The following MARCHF1 variants were observed in gnomAD, a reference collection of about 807,000 sequenced individuals.
MARCHF1 encodes membrane associated ring-CH-type finger 1, also known as E3 ubiquitin-protein ligase MARCHF1.
MARCHF1 carries 40 observed loss-of-function variants against 54.2 expected under a neutral mutation model. That is an observed-to-expected ratio of 0.74 (90% CI 0.57 to 0.96). The LOEUF is 0.96. MARCHF1 is among the 40% of genes least tolerant of loss of function. The pLI, the probability that MARCHF1 is intolerant of heterozygous loss-of-function variation, is 0.00. For missense variants in MARCHF1, 586 were observed against 656.5 expected (o/e 0.89, Z 1.17); for synonymous variants, 236 against 236.3 (o/e 1.00, Z 0.01).
intron 2 of MARCHF1, among the ~76,000 whole-genome samples, chr4:164,044,882 A>G (rs1754208989): frequency 6.6e-6 from 1 of 152,036 alleles, no homozygotes; most frequent in Admixed American, 6.6e-5. Flanking sequence ...AATAACTACC[A>G]TGGTGTCATC....
intron 1 of MARCHF1, among the ~76,000 whole-genome samples, chr4:164,363,995 G>A (rs1163988335): frequency 6.6e-6 from 1 of 151,844 alleles, no homozygotes; most frequent in South Asian, 2.1e-4. Flanking sequence ...TTTTCCTTTT[G>A]TAACATTAAT....
intron 1 of MARCHF1, among the ~76,000 whole-genome samples, chr4:164,226,667 GTA>G (rs147707063): frequency 6.6e-6 from 1 of 151,896 alleles, no homozygotes; most frequent in Non-Finnish European, 1.5e-5. Context: ...ATGTGTGTGT[GTA>G]TATATATAAA....
intron 4 of MARCHF1, among the ~76,000 whole-genome samples, chr4:163,846,195 T>G (rs1354170645): frequency 6.6e-6 from 1 of 152,194 alleles, no homozygotes; most frequent in African/African-American, 2.4e-5. Context: ...GAACCGCAAC[T>G]GAAAACTCTA....
intron 1 of MARCHF1, among the ~76,000 whole-genome samples, chr4:164,168,153 G>A (rs76373961): frequency 6.6e-6 from 1 of 151,914 alleles, no homozygotes; most frequent in African/African-American, 2.4e-5. Flanking sequence ...TAGCCAACGT[G>A]TATATGAAAA....
At chr4:163,770,894 G>T (rs1024218671) in intron 4 of MARCHF1, among the ~76,000 whole-genome samples, 1 of 152,166 alleles carries the variant, frequency 6.6e-6, no homozygotes, top group Non-Finnish European at 1.5e-5. Flanking sequence ...ATATGGGCAC[G>T]AGTGTTAACA....
intron 1 of MARCHF1, among the ~76,000 whole-genome samples, chr4:164,371,909 T>A (rs1250975923): frequency 6.6e-6 from 1 of 152,150 alleles, no homozygotes; most frequent in Non-Finnish European, 1.5e-5. Context: ...AAGTAACGTA[T>A]CATTTATACA....
intron 4 of MARCHF1, among the ~76,000 whole-genome samples, chr4:163,831,030 G>A (rs760547067): frequency 5.3e-5 from 8 of 152,194 alleles, no homozygotes; most frequent in Non-Finnish European, 7.3e-5. Flanking sequence ...TGTTCTCAGA[G>A]TTAATACTTT....
At chr4:163,716,624 A>T (rs1366625079) in intron 4 of MARCHF1, among the ~76,000 whole-genome samples, 2 of 152,180 alleles carry the variant, frequency 1.3e-5, no homozygotes, top group Non-Finnish European at 2.9e-5. Context: ...TTGTTCGCTC[A>T]TTTGCACTAT....
chr4:164,241,066 T>A (rs572898299), intron 1 of MARCHF1, among the ~76,000 whole-genome samples: 1 of 150,948 alleles, frequency 6.6e-6, no homozygotes, highest in East Asian at 1.9e-4. Context: ...TTTCAGAGAT[T>A]TTTTTTAGAC....
intron 7 of MARCHF1, among the ~76,000 whole-genome samples, chr4:163,601,805 A>C (rs2110888840): frequency 6.6e-6 from 1 of 152,132 alleles, no homozygotes; most frequent in South Asian, 2.1e-4. Context: ...ATCTAAAGGC[A>C]CAACTTGTTA....
intron 1 of MARCHF1, among the ~76,000 whole-genome samples, chr4:164,346,606 A>ATG (rs1561011472): frequency 2.0e-3 from 3 of 1,466 alleles, no homozygotes; most frequent in Admixed American, 0.013. Flanking sequence ...GTATGTATGT[A>ATG]TATATATATA....
chr4:164,220,207 T>A lies in MARCHF1; in HGVS notation c.-322-108545A>T, dbSNP rs556610550. ...ATATATATTTCCATATATGTGTATATATTCCTATATATATATACACACATA... is the reference window on the plus strand; with the variant it reads ...ATATATATTTCCATATATGTGTATAAATTCCTATATATATATACACACATA... On this transcript the variant is annotated intron_variant, in intron 1 of 9. Transcript: ENST00000514618. Among the ~76,000 whole-genome samples, 14 of 146,722 alleles carry A rather than the reference T, an allele frequency of 9.5e-5. No homozygotes were observed. The South Asian group carries it at 2.1e-3, about 22-fold the overall frequency.
At chr4:164,029,042 A>G (rs1346022081) in intron 2 of MARCHF1, among the ~76,000 whole-genome samples, 1 of 152,212 alleles carries the variant, frequency 6.6e-6, no homozygotes, top group Non-Finnish European at 1.5e-5. Flanking sequence ...GGATTTGTAC[A>G]TAGCAACCAT....
At chr4:163,836,757 G>A (rs1749198638) in intron 4 of MARCHF1, among the ~76,000 whole-genome samples, 1 of 34,074 alleles carries the variant, frequency 2.9e-5, no homozygotes, top group African/African-American at 5.3e-5. Context: ...GTGATACCAA[G>A]TGCGCCATTG....
At chr4:163,651,797 CT>C (rs112084563) in intron 5 of MARCHF1, among the ~76,000 whole-genome samples, 15,252 of 145,098 alleles carry the variant, frequency 0.11, 824 homozygotes, top group African/African-American at 0.14. Context: ...TCCATTTCCA[CT>C]TTTTTTTTTT....
At chr4:163,815,050 T>A (rs543221888) in intron 4 of MARCHF1, among the ~76,000 whole-genome samples, 1 of 152,314 alleles carries the variant, frequency 6.6e-6, no homozygotes, top group East Asian at 1.9e-4. Flanking sequence ...CTGGTTTGTT[T>A]ATCTAGAAAG....
chr4:163,713,855 C>T (rs1745181307), intron 4 of MARCHF1, among the ~76,000 whole-genome samples: 1 of 152,174 alleles, frequency 6.6e-6, no homozygotes, highest in Non-Finnish European at 1.5e-5. Context: ...ACCTTGGTCA[C>T]TTCTCGAAAA....
chr4:163,595,352 T>TA (rs199578063), intron 7 of MARCHF1, among the ~76,000 whole-genome samples: 3,088 of 115,008 alleles, frequency 0.027, 43 homozygotes, highest in Non-Finnish European at 0.04. Flanking sequence ...TCACTAAAAA[T>TA]AAAATAAAAA....
chr4:163,648,706 A>G (rs1742855016), intron 5 of MARCHF1, among the ~76,000 whole-genome samples: 1 of 151,728 alleles, frequency 6.6e-6, no homozygotes, highest in African/African-American at 2.4e-5. Flanking sequence ...AAGAAGGAGA[A>G]GAAATATATA....
Sources: gnomAD v4.1 joint callset for allele counts (sites outside exome capture counted in the v4.1 genomes callset) on GRCh38, gnomAD v4.1.1 for gene constraint, MANE v1.5 for transcripts, NCBI Gene and HGNC (gene_info 2026-07-23, HGNC 2026-07-21) for gene names.